NCOA2: variants seen among roughly 807,000 people sequenced by gnomAD.
NCOA2 encodes class E basic helix-loop-helix protein 75.
NCOA2 carries 21 observed loss-of-function variants against 145.1 expected under a neutral mutation model. That is an observed-to-expected ratio of 0.14 (90% CI 0.10 to 0.21). The LOEUF is 0.21. Ranked by LOEUF, NCOA2 falls within the 10% of genes least tolerant of loss-of-function variation. The probability of loss-of-function intolerance (pLI) is 1.00; values close to 1 mark genes in which losing one functional copy is unlikely to be tolerated. For synonymous variants in NCOA2, 619 were observed against 637.5 expected, an observed-to-expected ratio of 0.97 and a Z score of 0.44; for missense variants, 1,472 against 1,837.6, an observed-to-expected ratio of 0.80 and a Z score of 3.64.
intron 1 of NCOA2, among the ~76,000 whole-genome samples, chr8:70,307,220 C>CAAAAAAAAAAAAAA (rs57161747): frequency 1.8e-4 from 13 of 71,608 alleles, no homozygotes; most frequent in East Asian, 3.6e-4. Flanking sequence ...CCTACATAAG[C>CAAAAAAAAAAAAAA]AAAAAAAAAA....
chr8:70,329,844 T>G (rs191997755), intron 1 of NCOA2, among the ~76,000 whole-genome samples: 1 of 152,262 alleles, frequency 6.6e-6, no homozygotes, highest in African/African-American at 2.4e-5. Flanking sequence ...TGATTCAACT[T>G]TTATAAAGTT....
At chr8:70,244,400 C>T (rs2134540941) in intron 2 of NCOA2, among the ~76,000 whole-genome samples, 1 of 152,132 alleles carries the variant, frequency 6.6e-6, no homozygotes, top group South Asian at 2.1e-4. Context: ...TGAGCAAAAG[C>T]AGACAAGTAC....
At chr8:70,412,741 T>C in the NCOA2 span, among the ~76,000 whole-genome samples, 2 of 151,360 alleles carry the variant, frequency 1.3e-5, no homozygotes, top group Admixed American at 1.3e-4. Flanking sequence ...ATGTAAAAAT[T>C]GGAATACAGA....
At chr8:70,398,578 A>G (rs200811536) in intron 1 of NCOA2, among the ~76,000 whole-genome samples, 590 of 152,372 alleles carry the variant, frequency 3.9e-3, no homozygotes, top group Non-Finnish European at 6.5e-3. Flanking sequence ...CAGAATTAAC[A>G]GGCTAATTTC....
intron 1 of NCOA2, among the ~76,000 whole-genome samples, chr8:70,365,279 C>CCACGATCG: frequency 6.6e-6 from 1 of 152,282 alleles, no homozygotes; most frequent in Non-Finnish European, 1.5e-5. Flanking sequence ...CTGCAGTGAG[C>CCACGATCG]CACGATCGCA....
chr8:70,254,928 T>C (rs1033569217), intron 2 of NCOA2, among the ~76,000 whole-genome samples: 4 of 152,236 alleles, frequency 2.6e-5, no homozygotes, highest in African/African-American at 9.6e-5. Context: ...ACTTAGCAAA[T>C]GTAAAAAGTG....
At chr8:70,383,529 G>A (rs986860299) in intron 1 of NCOA2, among the ~76,000 whole-genome samples, 3 of 152,092 alleles carry the variant, frequency 2.0e-5, no homozygotes, top group Non-Finnish European at 4.4e-5. Context: ...TTCTGAGACA[G>A]AGTTTCGCTC....
At chr8:70,378,693 G>A (rs1160730957) in intron 1 of NCOA2, among the ~76,000 whole-genome samples, 1 of 144,048 alleles carries the variant, frequency 6.9e-6, no homozygotes. Context: ...AACAGCAAAT[G>A]AGAATGCAAG....
intron 2 of NCOA2, among the ~76,000 whole-genome samples, chr8:70,242,329 C>A (rs1453702567): frequency 1.3e-5 from 2 of 152,188 alleles, no homozygotes; most frequent in African/African-American, 4.8e-5. Context: ...ATAAAACATA[C>A]ATAGCAATAA....
chr8:70,333,781 A>G (rs1022641522), intron 1 of NCOA2, among the ~76,000 whole-genome samples: 12 of 152,214 alleles, frequency 7.9e-5, no homozygotes, highest in African/African-American at 2.9e-4. Flanking sequence ...AGACTGTTAC[A>G]TGACAATGCC....
At chr8:70,316,680 G>GA (rs1805607432) in intron 1 of NCOA2, among the ~76,000 whole-genome samples, 1 of 152,012 alleles carries the variant, frequency 6.6e-6, no homozygotes, top group African/African-American at 2.4e-5. Flanking sequence ...GTTTTTTTCT[G>GA]AAAATGGGAG....
intron 1 of NCOA2, among the ~76,000 whole-genome samples, chr8:70,353,885 C>G (rs1040386220): frequency 9.9e-5 from 15 of 152,102 alleles, no homozygotes; most frequent in African/African-American, 3.6e-4. Flanking sequence ...ATACACTGAC[C>G]CTTATAAATG....
intron 16 of NCOA2, among the ~76,000 whole-genome samples, chr8:70,129,443 A>T (rs755767390): frequency 6.6e-6 from 1 of 152,156 alleles, no homozygotes; most frequent in African/African-American, 2.4e-5. Context: ...CTGATTTTGT[A>T]GCTTAAAAAA....
At chr8:70,258,398 G>A (rs1043506967) in intron 2 of NCOA2, among the ~76,000 whole-genome samples, 10 of 152,224 alleles carry the variant, frequency 6.6e-5, no homozygotes, top group African/African-American at 1.4e-4. Context: ...TCTCATAAAC[G>A]TATCTCCCTA....
intron 4 of NCOA2, among the ~76,000 whole-genome samples, chr8:70,192,932 T>A (rs1175192396): frequency 6.6e-6 from 1 of 151,718 alleles, no homozygotes; most frequent in Non-Finnish European, 1.5e-5. Context: ...CCGGGCATGG[T>A]GGCGCATGTC....
chr8:70,189,378 C>T (rs1816428406), intron 4 of NCOA2, among the ~76,000 whole-genome samples: 1 of 152,166 alleles, frequency 6.6e-6, no homozygotes, highest in African/African-American at 2.4e-5. Flanking sequence ...TATAAATCGT[C>T]TTATTTGATC....
At chr8:70,178,632 A>G (rs1345710541) in intron 4 of NCOA2, among the ~76,000 whole-genome samples, 1 of 152,242 alleles carries the variant, frequency 6.6e-6, no homozygotes, top group Non-Finnish European at 1.5e-5. Context: ...CCCTCTGTCC[A>G]GGAGGGCAAA....
intron 2 of NCOA2, among the ~76,000 whole-genome samples, chr8:70,281,355 C>CAAAAAAA (rs372574771): frequency 3.3e-5 from 2 of 60,988 alleles, no homozygotes; most frequent in Non-Finnish European, 6.8e-5. Context: ...GACCCTGTCT[C>CAAAAAAA]AAAAAAAAAA....
intron 11 of NCOA2, among the ~76,000 whole-genome samples, chr8:70,150,936 C>T (rs1447043615): frequency 1.3e-5 from 2 of 152,092 alleles, no homozygotes; most frequent in Admixed American, 1.3e-4. Flanking sequence ...AATTTCCTTA[C>T]ACTTGTCATG....
Sources: allele counts gnomAD v4.1 joint callset (sites outside exome capture counted in the v4.1 genomes callset), GRCh38; gene constraint gnomAD v4.1.1; transcripts MANE v1.5; gene names NCBI Gene and HGNC (gene_info 2026-07-23, HGNC 2026-07-21).